Variants in TBC1D30 observed in about 807,000 individuals in gnomAD.
TBC1D30 encodes the protein TBC1 domain family member 30.
Under a neutral mutation model 63.2 loss-of-function variants are expected in TBC1D30, and 31 were observed. The observed-to-expected ratio is 0.49, with a 90% CI of 0.37 to 0.66. TBC1D30 has a LOEUF of 0.66. Among genes scored for constraint, TBC1D30 ranks in the 30% least tolerant of loss-of-function variants. The pLI is 0.00. For synonymous variants in TBC1D30, 307 were observed against 361.5 expected (o/e 0.85, Z 1.71); for missense variants, 810 against 953.6 (o/e 0.85, Z 1.98).
intron 1 of TBC1D30, among the ~76,000 whole-genome samples, chr12:64,762,723 A>G (rs543905969): frequency 3.9e-5 from 6 of 152,268 alleles, no homozygotes; most frequent in Admixed American, 2.6e-4. Context: ...TTATATGGCT[A>G]TGTGCTCTTT....
intron 2 of TBC1D30, among the ~76,000 whole-genome samples, chr12:64,804,282 C>T (rs1057480448): frequency 5.9e-5 from 9 of 152,154 alleles, no homozygotes; most frequent in Admixed American, 1.3e-4. Context: ...CTCATGATTT[C>T]GCTCTCTGTC....
chr12:64,779,151 C>T (rs1871160819), upstream of TBC1D30: 1 of 152,084 alleles, frequency 6.6e-6, no homozygotes, highest in African/African-American at 2.4e-5. Flanking sequence ...CAGTTAATCA[C>T]ATCTCTTCTT....
exon 1 of TBC1D30, chr12:64,759,544 C>T: frequency 2.7e-6 from 1 of 364,242 alleles, no homozygotes; most frequent in Non-Finnish European, 4.7e-6. Context: ...GGAAAAGGGG[C>T]GGAGAACCGG....
intron 8 of TBC1D30, among the ~76,000 whole-genome samples, chr12:64,856,868 C>T (rs1052167588): frequency 6.6e-6 from 1 of 152,180 alleles, no homozygotes; most frequent in African/African-American, 2.4e-5. Context: ...TACCTGTGGC[C>T]ACCACCACCA....
intron 8 of TBC1D30, 59 bp downstream of exon 8, chr12:64,843,544 C>T (rs1005732274): frequency 2.3e-6 from 3 of 1,308,110 alleles, no homozygotes; most frequent in Admixed American, 2.0e-5. Context: ...TGGGAACAAC[C>T]AGTGCCAGAG....
intron 7 of TBC1D30, 35 bp from the exon 8 acceptor site, chr12:64,843,345 A>T: frequency 6.6e-7 from 1 of 1,523,236 alleles, no homozygotes; most frequent in Non-Finnish European, 8.8e-7. Flanking sequence ...TGGATGCCCT[A>T]AACAAGTTGT....
chr12:64,876,758 T>G lies in TBC1D30; in HGVS notation c.*970T>G, dbSNP rs1879114838. The G allele has an allele frequency of 2.2e-6, 1 of 455,884 alleles. No individual in the cohort carries two copies. The highest frequency in any genetic ancestry group is 2.0e-5 in the African/African-American group (1 of 50,070). 28.2% of individuals were successfully genotyped at this position (455,884 alleles called of 1,614,324 possible). On this transcript the variant is annotated 3_prime_UTR_variant, in exon 12 of 12. Coordinates refer to ENST00000539867, the MANE Select transcript of TBC1D30 (RefSeq NM_015279.2). ...TGATTGGAGTCCTTTGTTGAGTACT[T>G]TGTTAATTGAACACTGCCTTTCTCT...
upstream of TBC1D30, among the ~76,000 whole-genome samples, chr12:64,823,058 G>C (rs1005601964): frequency 2.6e-5 from 4 of 151,954 alleles, no homozygotes; most frequent in Admixed American, 6.6e-5. Flanking sequence ...AAAAAAATGA[G>C]TTCATACTAG....
intron 8 of TBC1D30, among the ~76,000 whole-genome samples, chr12:64,860,466 A>T (rs1293620308): frequency 6.6e-6 from 1 of 150,480 alleles, no homozygotes; most frequent in Non-Finnish European, 1.5e-5. Context: ...TTTAAAGTAT[A>T]TTACTTTTTT....
chr12:64,800,037 C>A (rs1439517622), intron 2 of TBC1D30, among the ~76,000 whole-genome samples: 1 of 152,066 alleles, frequency 6.6e-6, no homozygotes, highest in Non-Finnish European at 1.5e-5. Flanking sequence ...ACCCTGGAGG[C>A]GGAGGCTGCA....
intron 8 of TBC1D30, among the ~76,000 whole-genome samples, chr12:64,858,605 C>T (rs1378035364): frequency 6.6e-6 from 1 of 152,206 alleles, no homozygotes; most frequent in African/African-American, 2.4e-5. Flanking sequence ...ATTTTGCTAC[C>T]AGAGTAATGA....
chr12:64,843,588 C>G (rs954030495), intron 8 of TBC1D30, 103 bp downstream of exon 8: 1 of 790,254 alleles, frequency 1.3e-6, no homozygotes, highest in African/African-American at 1.7e-5. Context: ...GGTTAGCTGT[C>G]AGACTTAGTT....
intron 8 of TBC1D30, among the ~76,000 whole-genome samples, chr12:64,859,034 G>T (rs1010225724): frequency 6.6e-6 from 1 of 152,002 alleles, no homozygotes; most frequent in Non-Finnish European, 1.5e-5. Flanking sequence ...GTGTGTGTGT[G>T]TGTGTGTCTG....
At chr12:64,789,181 C>CTTTTT (rs369676415) in intron 2 of TBC1D30, among the ~76,000 whole-genome samples, 22 of 127,168 alleles carry the variant, frequency 1.7e-4, no homozygotes, top group African/African-American at 6.1e-4. Context: ...CCTTCTTCTT[C>CTTTTT]TTCTTTTTTT....
At chr12:64,824,372 T>C (rs529646981), upstream of TBC1D30, among the ~76,000 whole-genome samples, 1 of 152,304 alleles carries the variant, frequency 6.6e-6, no homozygotes, top group East Asian at 1.9e-4. Flanking sequence ...CTTACGGGTG[T>C]TCTGCCCCTG....
At chr12:64,854,905 C>T (rs999702459) in intron 8 of TBC1D30, among the ~76,000 whole-genome samples, 1 of 152,186 alleles carries the variant, frequency 6.6e-6, no homozygotes, top group African/African-American at 2.4e-5. Context: ...GTTTTTTACC[C>T]TCACATGCTT....
chr12:64,808,414 C>G (rs1347379087), intron 2 of TBC1D30, among the ~76,000 whole-genome samples: 1 of 152,150 alleles, frequency 6.6e-6, no homozygotes, highest in African/African-American at 2.4e-5. Context: ...CCGTGCCTGT[C>G]TCAATGCTCT....
At position 64,824,997 on chromosome 12, in the gene TBC1D30, C is replaced by T. The variant is rs1364734155; in HGVS notation, c.118C>T (p.Arg40Trp). ...GCTCAAGAAGCGCAGCTGCATTTCC[C>T]GGACCGCGCCCCGGCTGCTGTGCAC... ...NVLKKRSCIS[R>W]TAPRLLCTLE... The change falls in exon 1 of 12, where the codon CGG becomes TGG. Residue 40 changes from arginine to tryptophan, a missense_variant. Coordinates refer to ENST00000539867, the MANE Select transcript of TBC1D30 (RefSeq NM_015279.2). 2.6e-6 allele frequency: 4 copies of T among 1,534,202 alleles called. No individual in the cohort carries two copies. The highest frequency in any genetic ancestry group is 2.6e-6 in the Non-Finnish European group (3 of 1,146,434).
At chr12:64,786,283 T>C (rs1871566262) in intron 2 of TBC1D30, among the ~76,000 whole-genome samples, 1 of 152,234 alleles carries the variant, frequency 6.6e-6, no homozygotes, top group Admixed American at 6.5e-5. Context: ...TACTTTACTT[T>C]GACAATAATT....
Sources: gnomAD v4.1 joint callset for allele counts (sites outside exome capture counted in the v4.1 genomes callset) on GRCh38, gnomAD v4.1.1 for gene constraint, MANE v1.5 for transcripts, NCBI Gene and HGNC (gene_info 2026-07-23, HGNC 2026-07-21) for gene names.